Variants in IQCK observed in about 807,000 individuals in gnomAD.
The protein encoded by IQCK is IQ domain-containing protein K.
In IQCK, 29 loss-of-function variants were observed where a neutral mutation model predicts 28.1. That is an observed-to-expected ratio of 1.03 (90% CI 0.77 to 1.41). IQCK has a LOEUF of 1.41. Ranked by LOEUF, IQCK falls within the 40% of genes most tolerant of loss-of-function variation. The probability of loss-of-function intolerance (pLI) is 0.00; values close to 1 mark genes in which losing one functional copy is unlikely to be tolerated. For missense variants in IQCK, 359 were observed against 314.7 expected (o/e 1.14, Z -1.07); for synonymous variants, 113 against 115.1 (o/e 0.98, Z 0.12).
intron 1 of IQCK, among the ~76,000 whole-genome samples, 163 bp downstream of exon 1, chr16:19,718,650 C>T (rs1391179486): frequency 1.3e-5 from 2 of 152,188 alleles, no homozygotes; most frequent in Non-Finnish European, 2.9e-5. Context: ...AACTGAGGCT[C>T]GGAGAGGCTG....
In IQCK at chr16:19,856,409, CAG is replaced by C. The variant is rs1473507143; in HGVS notation, c.803-75_803-74del. 26 of 1,219,078 alleles carry C rather than the reference CAG, an allele frequency of 2.1e-5. No individual in the cohort carries two copies. The Admixed American group carries it at 2.9e-4, about 14-fold the overall frequency. The allele number at this position is 1,219,078 out of a possible 1,614,324, so 75.5% of individuals were successfully genotyped here. ...GGTGCAACTGACCTTGTCCACACAT[CAG>C]AGTTTCCGGTTTCCCAATGACAAGC... On this transcript the variant is annotated intron_variant, in intron 9 of 9. Transcript: ENST00000320394.
chr16:19,824,084 G>A (rs2056111373), intron 7 of IQCK, among the ~76,000 whole-genome samples: 2 of 152,102 alleles, frequency 1.3e-5, no homozygotes, highest in Admixed American at 1.3e-4. Context: ...ATACAAGCAC[G>A]TTACATTTAT....
rs148376584 is a variant in IQCK at position 19,806,227 on chromosome 16, A to T, written c.690+17305A>T. On this transcript the variant is annotated intron_variant, in intron 7 of 7. Transcript: ENST00000564186. The stretch of plus-strand genomic sequence containing the variant: ...CAGCAAGAGAGTCAGTGTGTAAGTG[A>T]GCTGGAGCTGGGCATGGTGGTAGAG... Among the ~76,000 whole-genome samples, 746 of 152,090 alleles carry T rather than the reference A, an allele frequency of 4.9e-3. 5 individuals carry two copies. The highest frequency in any genetic ancestry group is 0.018 in the African/African-American group (731 of 41,482).
chr16:19,735,359 C>T, exon 4 of IQCK: 1 of 1,613,138 alleles, frequency 6.2e-7, no homozygotes, highest in Non-Finnish European at 8.5e-7. Flanking sequence ...TTAGGTTCTC[C>T]CAAAGAATAT....
chr16:19,762,443 G>A lies in IQCK; in HGVS notation c.475-1405G>A, dbSNP rs144660128. ...CAAAATCCTGCAATTCCAAAAGCAT[G>A]TAGTAAGCCTCGATATGAGCACTGT... On this transcript the variant is annotated intron_variant, in intron 4 of 7. Transcript: ENST00000564186. 1.7e-3 allele frequency among the ~76,000 whole-genome samples: 254 copies of A among 152,338 alleles called. 1 individual carries two copies. The highest frequency in any genetic ancestry group is 3.7e-3 in the Admixed American group (57 of 15,304).
chr16:19,792,631 G>C (rs1270133115), intron 7 of IQCK, among the ~76,000 whole-genome samples: 2 of 97,888 alleles, frequency 2.0e-5, no homozygotes, highest in Non-Finnish European at 3.5e-5. Context: ...GAGTGCGGTG[G>C]CGTGATCTCA....
At chr16:19,731,343 A>T (rs1398997140) in intron 2 of IQCK, among the ~76,000 whole-genome samples, 4 of 152,226 alleles carry the variant, frequency 2.6e-5, no homozygotes, top group Non-Finnish European at 5.9e-5. Flanking sequence ...GGACTTGAGC[A>T]CGGTAACACG....
At chr16:19,721,276 G>A (rs1309959444) in intron 1 of IQCK, among the ~76,000 whole-genome samples, 1 of 152,170 alleles carries the variant, frequency 6.6e-6, no homozygotes, top group Non-Finnish European at 1.5e-5. Flanking sequence ...AGACCTGCCA[G>A]AAACTCAATT....
At chr16:19,722,436 G>GT (rs1350381084) in intron 1 of IQCK, among the ~76,000 whole-genome samples, 1 of 151,938 alleles carries the variant, frequency 6.6e-6, no homozygotes, top group Admixed American at 6.5e-5. Flanking sequence ...CCCCTGGCCT[G>GT]TCATATCAGG....
intron 7 of IQCK, among the ~76,000 whole-genome samples, chr16:19,803,074 A>G (rs192742111): frequency 2.2e-4 from 34 of 152,168 alleles, no homozygotes; most frequent in South Asian, 4.1e-4. Flanking sequence ...TTCTTGTTCA[A>G]CTGGTCACAG....
At chr16:19,752,903 T>A (rs559945977) in intron 4 of IQCK, among the ~76,000 whole-genome samples, 6 of 152,134 alleles carry the variant, frequency 3.9e-5, no homozygotes, top group Non-Finnish European at 1.5e-5. Flanking sequence ...AGGGAGATCT[T>A]CCAGCACAGC....
At chr16:19,743,932 C>A (rs1392119760) in intron 4 of IQCK, among the ~76,000 whole-genome samples, 1 of 152,188 alleles carries the variant, frequency 6.6e-6, no homozygotes, top group South Asian at 2.1e-4. Context: ...AATTACTATG[C>A]CATAGAGCAT....
chr16:19,721,788 A>G (rs991211670), intron 1 of IQCK, among the ~76,000 whole-genome samples: 1 of 152,132 alleles, frequency 6.6e-6, no homozygotes, highest in Non-Finnish European at 1.5e-5. Context: ...ATGTTGGCCA[A>G]GCTGGTCTCA....
intron 4 of IQCK, among the ~76,000 whole-genome samples, chr16:19,759,180 C>G (rs2055096242): frequency 6.6e-6 from 1 of 152,084 alleles, no homozygotes; most frequent in Non-Finnish European, 1.5e-5. Context: ...CTCACCTGCT[C>G]TGTCCAGTGC....
At chr16:19,735,859 T>G in intron 4 of IQCK, 1 of 338,208 alleles carries the variant, frequency 3.0e-6, no homozygotes, top group Non-Finnish European at 5.7e-6. Context: ...TGCCAGGAGC[T>G]CAAGACCACT....
At chr16:19,751,812 G>C (rs1007417483) in intron 4 of IQCK, among the ~76,000 whole-genome samples, 7 of 152,012 alleles carry the variant, frequency 4.6e-5, no homozygotes, top group African/African-American at 1.4e-4. Flanking sequence ...AAAATCTGTG[G>C]GAGTAGAGTT....
intron 2 of IQCK, 116 bp from the exon 3 acceptor site, chr16:19,733,582 C>CCTTA (rs1398982040): frequency 5.2e-6 from 6 of 1,153,088 alleles, no homozygotes; most frequent in Non-Finnish European, 7.4e-6. Flanking sequence ...GCTCAGCGTA[C>CCTTA]CCCCTTGAAC....
intron 2 of IQCK, among the ~76,000 whole-genome samples, chr16:19,733,073 T>C (rs1385952105): frequency 1.3e-5 from 2 of 152,176 alleles, no homozygotes; most frequent in African/African-American, 4.8e-5. Flanking sequence ...GATGGGTGGA[T>C]GGACATCTGT....
chr16:19,739,313 T>A (rs927601625), intron 4 of IQCK, among the ~76,000 whole-genome samples: 1 of 152,250 alleles, frequency 6.6e-6, no homozygotes, highest in African/African-American at 2.4e-5. Flanking sequence ...ACTACAGTCA[T>A]GGTTGTCATA....
Sources: gnomAD v4.1 joint callset for allele counts (sites outside exome capture counted in the v4.1 genomes callset) on GRCh38, gnomAD v4.1.1 for gene constraint, MANE v1.5 for transcripts, NCBI Gene and HGNC (gene_info 2026-07-23, HGNC 2026-07-21) for gene names.